Variants in XG observed in about 807,000 individuals in gnomAD.
XG encodes glycoprotein Xg.
XG carries 24 observed loss-of-function variants against 25.7 expected under a neutral mutation model. That is an observed-to-expected ratio of 0.93 (90% CI 0.68 to 1.31). XG has a LOEUF of 1.31. Ranked by LOEUF, XG falls within the 40% of genes most tolerant of loss-of-function variation. The probability of loss-of-function intolerance (pLI) is 0.00; values close to 1 mark genes in which losing one functional copy is unlikely to be tolerated. For missense variants in XG, 181 were observed against 187.6 expected (o/e 0.96, Z 0.21); for synonymous variants, 77 against 69.2 (o/e 1.11, Z -0.56).
At chrX:2,783,659 G>A (rs769290250) in intron 4 of XG, among the ~76,000 whole-genome samples, 3 of 112,405 alleles carry the variant, frequency 2.7e-5, no homozygotes, top group East Asian at 2.8e-4. Flanking sequence ...CAAGACCCAA[G>A]GGAGGTGACA....
rs556629126 is a variant in XG at position 2,809,632 on chromosome X, C to T, written c.454+1412C>T. ...GGAAATAACAACCATTTATTATGTT[C>T]GTGATTATGTGAGTCAGCAATTTGG... On this transcript the variant is annotated intron_variant, in intron 9 of 10. Coordinates refer to ENST00000644266, the MANE Select transcript of XG (RefSeq NM_001141919.2). Among the ~76,000 whole-genome samples, 122 of 112,508 alleles carry T rather than the reference C, an allele frequency of 1.1e-3. 2 individuals carry two copies. The South Asian group carries it at 0.042, about 38-fold the overall frequency.
intron 5 of XG, among the ~76,000 whole-genome samples, chrX:2,790,975 AAAT>A (rs1371883949): frequency 2.3e-5 from 2 of 87,992 alleles, no homozygotes; most frequent in Non-Finnish European, 2.4e-5. Context: ...AAATAAATTT[AAAT>A]GTTTTTGATG....
At chrX:2,769,698 G>T (rs1329770064) in intron 1 of XG, among the ~76,000 whole-genome samples, 1 of 152,186 alleles carries the variant, frequency 6.6e-6, no homozygotes, top group African/African-American at 2.4e-5. Context: ...TGTTTTTAAT[G>T]ATGTGTCCCA....
intron 4 of XG, among the ~76,000 whole-genome samples, chrX:2,788,946 C>T (rs745852205): frequency 5.4e-5 from 6 of 111,310 alleles, no homozygotes; most frequent in Non-Finnish European, 1.1e-4. Context: ...TCAAATGAAG[C>T]CAGGCTCAGT....
At chrX:2,779,969 C>T (rs1027836253) in intron 3 of XG, among the ~76,000 whole-genome samples, 11 of 152,046 alleles carry the variant, frequency 7.2e-5, no homozygotes, top group African/African-American at 2.7e-4. Flanking sequence ...TAAATTATCT[C>T]TAGGTTACTC....
intron 1 of XG, among the ~76,000 whole-genome samples, chrX:2,763,214 A>G (rs900610618): frequency 1.3e-5 from 2 of 152,108 alleles, no homozygotes; most frequent in Non-Finnish European, 2.9e-5. Context: ...GGGCTTCCCC[A>G]TGTTGGCCAG....
At chrX:2,813,441 A>G (rs1384155871) in intron 10 of XG, among the ~76,000 whole-genome samples, 2 of 111,948 alleles carry the variant, frequency 1.8e-5, no homozygotes, top group African/African-American at 6.5e-5. Context: ...TGCGAACTTG[A>G]CTCTAAAGTT....
chrX:2,777,856 C>T (rs1232986734), intron 3 of XG, among the ~76,000 whole-genome samples: 1 of 151,466 alleles, frequency 6.6e-6, no homozygotes, highest in Non-Finnish European at 1.5e-5. Flanking sequence ...GTCAGGAGAT[C>T]GAGACCATCC....
intron 1 of XG, chrX:2,752,864 T>G (rs1237249987): frequency 1.1e-6 from 1 of 913,138 alleles, no homozygotes; most frequent in East Asian, 1.2e-4. Context: ...CCACCTGAAT[T>G]GTTCACATCA....
At chrX:2,790,287 G>A (rs1439762808) in intron 5 of XG, among the ~76,000 whole-genome samples, 1 of 109,455 alleles carries the variant, frequency 9.1e-6, no homozygotes, top group Non-Finnish European at 1.9e-5. Context: ...GATCACTTGA[G>A]GTCAGGAGTT....
chrX:2,786,260 C>CTTTTTTTTT (rs1179667048), intron 4 of XG, among the ~76,000 whole-genome samples: 693 of 60,540 alleles, frequency 0.011, 126 homozygotes, highest in African/African-American at 0.019. Flanking sequence ...TCCATGTTGT[C>CTTTTTTTTT]TTTTTTTTTT....
intron 1 of XG, among the ~76,000 whole-genome samples, chrX:2,764,297 C>T (rs2050628209): frequency 6.6e-6 from 1 of 152,152 alleles, no homozygotes; most frequent in Non-Finnish European, 1.5e-5. Context: ...CTCGGGGCTG[C>T]TCCGTCTATG....
chrX:2,765,041 C>CAAAAAAA (rs1219282861), intron 1 of XG, among the ~76,000 whole-genome samples: 1 of 36,610 alleles, frequency 2.7e-5, no homozygotes, highest in African/African-American at 1.1e-4. Flanking sequence ...ATTCTTTATC[C>CAAAAAAA]AAAAAAAAAA....
chrX:2,794,699 G>A lies in XG; in HGVS notation c.322+96G>A, dbSNP rs2086868183. The A allele has an allele frequency of 8.1e-6, 8 of 991,079 alleles. No homozygotes were observed. The East Asian group carries it at 1.7e-4, about 21-fold the overall frequency. 81.7% of individuals were successfully genotyped at this position (991,079 alleles called of 1,213,427 possible). ...TTGGGGATGAGAGAGCTGAGGTTGG[G>A]GCAGAGTTGGTGACGAGCAGACGAT... is the stretch of plus-strand genomic sequence containing the variant. On this transcript the variant is annotated intron_variant, in intron 6 of 10. Transcript: ENST00000644266.
intron 7 of XG, among the ~76,000 whole-genome samples, chrX:2,802,589 G>A (rs1222689379): frequency 1.8e-5 from 2 of 110,312 alleles, no homozygotes; most frequent in East Asian, 5.7e-4. Context: ...GAATGACAGA[G>A]GACGGACATG....
At chrX:2,770,024 T>C (rs757168420) in intron 1 of XG, among the ~76,000 whole-genome samples, 5 of 28,162 alleles carry the variant, frequency 1.8e-4, no homozygotes, top group East Asian at 1.1e-3. Context: ...TGTGGAGGGG[T>C]GGGGGGGGCG....
chrX:2,801,846 C>T (rs1195581935), intron 7 of XG, among the ~76,000 whole-genome samples: 47 of 111,005 alleles, frequency 4.2e-4, no homozygotes, highest in African/African-American at 1.4e-3. Context: ...GTAGCTGGGA[C>T]TACAGGCGCC....
At chrX:2,773,932 A>T (rs185423640) in intron 2 of XG, among the ~76,000 whole-genome samples, 297 of 152,196 alleles carry the variant, frequency 2.0e-3, no homozygotes, top group Middle Eastern at 3.4e-3. Flanking sequence ...AATACAGGAC[A>T]TGCGAAACCA....
chrX:2,774,982 G>A (rs1484396356), intron 3 of XG: 22 of 568,870 alleles, frequency 3.9e-5, no homozygotes, highest in Admixed American at 9.1e-5. Flanking sequence ...AACAAGTGTT[G>A]GCAAGGATGT....
Sources: gnomAD v4.1 joint callset for allele counts (sites outside exome capture counted in the v4.1 genomes callset) on GRCh38, gnomAD v4.1.1 for gene constraint, MANE v1.5 for transcripts, NCBI Gene and HGNC (gene_info 2026-07-23, HGNC 2026-07-21) for gene names.